ASIC2: variants seen among roughly 807,000 people sequenced by gnomAD.
ASIC2 encodes the protein acid sensing ion channel subunit 2.
ASIC2 carries 25 observed loss-of-function variants against 57.3 expected under a neutral mutation model. The observed-to-expected ratio is 0.44, with a 90% CI of 0.32 to 0.61. The LOEUF (loss-of-function observed/expected upper bound fraction) is 0.61. ASIC2 is among the 20% of genes least tolerant of loss of function. ASIC2 has a pLI of 0.06. For missense variants in ASIC2, 641 were observed against 738.1 expected (o/e 0.87, Z 1.52); for synonymous variants, 319 against 307.5 (o/e 1.04, Z -0.39).
intron 3 of ASIC2, among the ~76,000 whole-genome samples, chr17:33,039,689 G>T (rs941884598): frequency 6.6e-6 from 1 of 152,102 alleles, no homozygotes; most frequent in African/African-American, 2.4e-5. Context: ...TGTACAGAAG[G>T]CCCACTCACC....
At chr17:33,803,453 C>T (rs1912186222) in intron 1 of ASIC2, among the ~76,000 whole-genome samples, 3 of 152,098 alleles carry the variant, frequency 2.0e-5, no homozygotes, top group Admixed American at 1.3e-4. Context: ...GCAAGAGAAC[C>T]CTAAGAGTGT....
chr17:33,852,587 C>T (rs998568957), intron 1 of ASIC2, among the ~76,000 whole-genome samples: 16 of 152,184 alleles, frequency 1.1e-4, no homozygotes, highest in African/African-American at 3.6e-4. Context: ...CGAAATATGA[C>T]AAAGTTAAGT....
chr17:33,274,366 A>C (rs1007031835), intron 1 of ASIC2, among the ~76,000 whole-genome samples: 1 of 152,182 alleles, frequency 6.6e-6, no homozygotes, highest in African/African-American at 2.4e-5. Flanking sequence ...CATATCACAG[A>C]GCTAATACAA....
intron 1 of ASIC2, among the ~76,000 whole-genome samples, chr17:33,840,001 T>C (rs145648252): frequency 2.9e-4 from 44 of 152,344 alleles, no homozygotes; most frequent in African/African-American, 7.5e-4. Context: ...GCATTTATCA[T>C]ATCTGGGTTA....
chr17:33,321,677 G>C (rs780691570), intron 1 of ASIC2, among the ~76,000 whole-genome samples: 3 of 152,056 alleles, frequency 2.0e-5, no homozygotes, highest in Non-Finnish European at 4.4e-5. Context: ...GCTTTTTTTA[G>C]TCATCAGAGG....
intron 1 of ASIC2, among the ~76,000 whole-genome samples, chr17:33,259,055 A>G (rs1909184935): frequency 6.6e-6 from 1 of 152,194 alleles, no homozygotes; most frequent in Admixed American, 6.5e-5. Context: ...TTGTCCTGGC[A>G]TACTCATATT....
At chr17:33,246,786 A>G (rs1908705812) in intron 1 of ASIC2, among the ~76,000 whole-genome samples, 1 of 152,200 alleles carries the variant, frequency 6.6e-6, no homozygotes, top group Admixed American at 6.5e-5. Context: ...AATTTCAGGG[A>G]GAGGGAAGCT....
intron 1 of ASIC2, chr17:34,070,812 C>A (rs1006549573): frequency 6.6e-6 from 1 of 152,324 alleles, no homozygotes; most frequent in African/African-American, 2.4e-5. Context: ...CTCCATGATA[C>A]CCACCTTGTT....
At chr17:33,372,661 C>G (rs1047626546) in intron 1 of ASIC2, among the ~76,000 whole-genome samples, 8 of 152,174 alleles carry the variant, frequency 5.3e-5, no homozygotes, top group South Asian at 2.1e-4. Context: ...CTCTCATGCT[C>G]TCTTCCTGAG....
intron 1 of ASIC2, among the ~76,000 whole-genome samples, chr17:34,128,807 G>A (rs527426713): frequency 4.2e-4 from 64 of 152,080 alleles, no homozygotes; most frequent in Non-Finnish European, 9.0e-4. Flanking sequence ...CAGCAGAGGG[G>A]GTAGTCTCGG....
At chr17:33,398,728 A>T (rs560013829) in intron 1 of ASIC2, among the ~76,000 whole-genome samples, 2 of 152,334 alleles carry the variant, frequency 1.3e-5, no homozygotes, top group South Asian at 4.1e-4. Flanking sequence ...AAAATCCTTC[A>T]GAGCTAGCAG....
At chr17:33,819,614 T>C (rs1465259977) in intron 1 of ASIC2, among the ~76,000 whole-genome samples, 2 of 152,232 alleles carry the variant, frequency 1.3e-5, no homozygotes, top group African/African-American at 2.4e-5. Context: ...TCAGGGATCA[T>C]TGCAGTTTGG....
At chr17:33,663,427 T>C (rs1372016258) in intron 1 of ASIC2, among the ~76,000 whole-genome samples, 1 of 151,816 alleles carries the variant, frequency 6.6e-6, no homozygotes, top group East Asian at 1.9e-4. Flanking sequence ...GCTCATTGAA[T>C]GTAACTGAGG....
chr17:33,567,489 T>C (rs1443530999), intron 1 of ASIC2, among the ~76,000 whole-genome samples: 1 of 152,116 alleles, frequency 6.6e-6, no homozygotes, highest in South Asian at 2.1e-4. Flanking sequence ...AGGAACTGAT[T>C]TGCATTTTAG....
chr17:33,190,102 T>G (rs2142067220), intron 1 of ASIC2, among the ~76,000 whole-genome samples: 1 of 152,238 alleles, frequency 6.6e-6, no homozygotes, highest in South Asian at 2.1e-4. Flanking sequence ...AAACTGACTT[T>G]TTTCACAGAT....
chr17:34,141,960 T>A (rs1912283912), intron 1 of ASIC2, among the ~76,000 whole-genome samples: 1 of 152,206 alleles, frequency 6.6e-6, no homozygotes, highest in Non-Finnish European at 1.5e-5. Context: ...TTCATGTGAA[T>A]GTCACTTGAG....
At chr17:33,077,697 A>G (rs1598265203) in intron 3 of ASIC2, among the ~76,000 whole-genome samples, 1 of 152,190 alleles carries the variant, frequency 6.6e-6, no homozygotes, top group Non-Finnish European at 1.5e-5. Flanking sequence ...TTGTCACAAC[A>G]TAAACAAATG....
intron 1 of ASIC2, among the ~76,000 whole-genome samples, chr17:33,253,607 T>C (rs1908958651): frequency 6.6e-6 from 1 of 152,222 alleles, no homozygotes; most frequent in Admixed American, 6.5e-5. Context: ...TAGCATTTGC[T>C]GGCAGATAGG....
chr17:33,945,903 G>T (rs1904360292), intron 1 of ASIC2, among the ~76,000 whole-genome samples: 1 of 152,222 alleles, frequency 6.6e-6, no homozygotes, highest in Admixed American at 6.5e-5. Flanking sequence ...AAGTGGACAA[G>T]ACAAGGAGAT....
Sources: gnomAD v4.1 joint callset for allele counts (sites outside exome capture counted in the v4.1 genomes callset) on GRCh38, gnomAD v4.1.1 for gene constraint, MANE v1.5 for transcripts, NCBI Gene and HGNC (gene_info 2026-07-23, HGNC 2026-07-21) for gene names.